The following ZNF431 variants were observed in gnomAD, a reference collection of about 807,000 sequenced individuals.
ZNF431 encodes the protein zinc finger protein 431.
Under a neutral mutation model 57.0 loss-of-function variants are expected in ZNF431, and 34 were observed. That is an observed-to-expected ratio of 0.60 (90% CI 0.45 to 0.79). ZNF431 has a LOEUF of 0.79. ZNF431 is among the 30% of genes least tolerant of loss of function. ZNF431 has a pLI of 0.00. For missense variants in ZNF431, 607 were observed against 667.1 expected, an observed-to-expected ratio of 0.91 and a Z score of 0.99; for synonymous variants, 207 against 220.3, an observed-to-expected ratio of 0.94 and a Z score of 0.54.
At chr19:21,154,172 C>A (rs949553397) in intron 2 of ZNF431, among the ~76,000 whole-genome samples, 1 of 152,144 alleles carries the variant, frequency 6.6e-6, no homozygotes, top group South Asian at 2.1e-4. Flanking sequence ...ATCCCTCCCC[C>A]CTCCACCCCA....
chr19:21,178,430 A>G (rs548774921), intron 4 of ZNF431, among the ~76,000 whole-genome samples: 2 of 152,134 alleles, frequency 1.3e-5, no homozygotes, highest in African/African-American at 4.8e-5. Context: ...GCCCTTTTAT[A>G]TCGGCTATGG....
At position 21,171,885 on chromosome 19, in the gene ZNF431, T is replaced by C. The variant is rs1442252467; in HGVS notation, c.319+4219T>C. 4.6e-5 allele frequency among the ~76,000 whole-genome samples: 7 copies of C among 151,012 alleles called. No individual in the cohort carries two copies. In the South Asian group the frequency reaches 1.5e-3, roughly 31 times the overall value. On this transcript the variant is annotated intron_variant, in intron 4 of 4. Transcript: ENST00000311048. The stretch of plus-strand genomic sequence containing the variant: ...ACAGGCATCTGCCACCATGCCCGGC[T>C]AATTTTTTGTATTTTTAGTAGAGAT...
chr19:21,143,413 A>T, intron 1 of ZNF431, 138 bp from the exon 2 acceptor site: 1 of 656,342 alleles, frequency 1.5e-6, no homozygotes, highest in Non-Finnish European at 2.7e-6. Flanking sequence ...TTATGGGGTG[A>T]TGTGTCCTCA....
At chr19:21,154,002 C>T (rs994701587) in intron 2 of ZNF431, among the ~76,000 whole-genome samples, 12 of 152,080 alleles carry the variant, frequency 7.9e-5, no homozygotes, top group South Asian at 2.1e-4. Flanking sequence ...AGGCATGAGC[C>T]GCCGCACCCA....
chr19:21,151,619 A>G (rs1970276018), intron 2 of ZNF431, among the ~76,000 whole-genome samples: 2 of 152,124 alleles, frequency 1.3e-5, no homozygotes, highest in Admixed American at 6.5e-5. Flanking sequence ...ACCAAGAGAA[A>G]ATACTGTCAT....
Position 21,189,111 on chromosome 19 carries a change from A to G in ZNF431, c.*5077A>G, listed in dbSNP as rs1056046676. On this transcript the variant is annotated 3_prime_UTR_variant, in exon 5 of 5. Coordinates refer to ENST00000311048, the MANE Select transcript of ZNF431 (RefSeq NM_133473.4). ...TTATAAATATTTTAATGTGACAGGT[A>G]GAATCTGTACTTTTTCTGTAGAACG... 2.0e-4 allele frequency: 30 copies of G among 152,208 alleles called. No individual in the cohort carries two copies. The highest frequency in any genetic ancestry group is 5.5e-4 in the African/African-American group (23 of 41,448). The allele number at this position is 152,208 out of a possible 1,614,324, so 9.4% of individuals were successfully genotyped here.
At chr19:21,142,655 G>C (rs1422870550) in intron 1 of ZNF431, among the ~76,000 whole-genome samples, 1 of 152,216 alleles carries the variant, frequency 6.6e-6, no homozygotes, top group African/African-American at 2.4e-5. Flanking sequence ...GGAGCACCCA[G>C]CTGTGGTTTG....
Position 21,176,707 on chromosome 19 carries a change from A to T in ZNF431, c.320-5916A>T, listed in dbSNP as rs551493790. ...ATAATTTATTTTATTTTATTTATTT[A>T]TTTTTTTTCAGACAGAGTCCTGCTC... On this transcript the variant is annotated intron_variant, in intron 4 of 4. Coordinates refer to ENST00000311048, the MANE Select transcript of ZNF431 (RefSeq NM_133473.4). Among the ~76,000 whole-genome samples, 251 of 151,136 alleles carry T rather than the reference A, an allele frequency of 1.7e-3. 1 individual carries two copies. Among genetic ancestry groups the T allele is most frequent in the Non-Finnish European group, 2.9e-3 (195 of 67,750 alleles).
At chr19:21,151,047 G>GCTTTTTTTTT (rs1970257780) in intron 2 of ZNF431, 1 of 151,882 alleles carries the variant, frequency 6.6e-6, no homozygotes, top group Non-Finnish European at 1.5e-5. Context: ...TAACCACAGT[G>GCTTTTTTTTT]CTTTTTTTTT....
At chr19:21,169,571 C>T (rs557879665) in intron 4 of ZNF431, among the ~76,000 whole-genome samples, 2 of 152,250 alleles carry the variant, frequency 1.3e-5, no homozygotes, top group Admixed American at 6.5e-5. Context: ...TGGGTCTGCA[C>T]TAGAGTCCAC....
At chr19:21,147,884 G>A (rs745876530) in intron 2 of ZNF431, among the ~76,000 whole-genome samples, 21 of 152,184 alleles carry the variant, frequency 1.4e-4, no homozygotes, top group South Asian at 4.1e-4. Context: ...AGTCAAACAT[G>A]ATTTCACAGT....
intron 2 of ZNF431, among the ~76,000 whole-genome samples, chr19:21,163,339 G>T (rs188588195): frequency 1.3e-5 from 2 of 152,342 alleles, no homozygotes; most frequent in Admixed American, 6.5e-5. Context: ...AAATATTTGT[G>T]TTGTGACAAC....
rs538882461 is a variant in ZNF431 at position 21,186,844 on chromosome 19, C to T, written c.*2810C>T. On this transcript the variant is annotated 3_prime_UTR_variant, in exon 5 of 5. Transcript: ENST00000311048. Reference sequence around the variant, plus strand: ...TAAGTTACATTTTATTTAGTTAGAGCACTCCATTTTGTTCTTTTAAGAGGA... The same window carrying T: ...TAAGTTACATTTTATTTAGTTAGAGTACTCCATTTTGTTCTTTTAAGAGGA... 1.3e-5 allele frequency: 2 copies of T among 152,112 alleles called. No homozygotes were observed. Among genetic ancestry groups the T allele is most frequent in the Non-Finnish European group, 2.9e-5 (2 of 68,016 alleles). The allele number at this position is 152,112 out of a possible 1,614,324, so 9.4% of individuals were successfully genotyped here. A position where few individuals can be genotyped will look rare whatever the true frequency, so the allele number is the denominator to read the frequency against.
At position 21,194,708 on chromosome 19, in the gene ZNF431, G is replaced by T. The variant is rs1213565938; in HGVS notation, c.*10674G>T. 5 of 152,062 alleles carry T rather than the reference G, an allele frequency of 3.3e-5. No individual in the cohort carries two copies. The highest frequency in any genetic ancestry group is 1.3e-4 in the Admixed American group (2 of 15,254). The allele number at this position is 152,062 out of a possible 1,614,324, so 9.4% of individuals were successfully genotyped here. On this transcript the variant is annotated 3_prime_UTR_variant, in exon 5 of 5. Transcript: ENST00000311048. ...GGTCTCAAACTCCCGGCGTCCCAAA[G>T]TGCTGGGATTACAGGTGCGACCCAC...
chr19:21,145,039 A>G (rs1321534898), intron 2 of ZNF431, among the ~76,000 whole-genome samples: 1 of 5,502 alleles, frequency 1.8e-4, no homozygotes, highest in Admixed American at 7.7e-4. Flanking sequence ...TTATTTAGGT[A>G]CAAAATGTAA....
At chr19:21,171,545 G>A (rs2145011011) in intron 4 of ZNF431, among the ~76,000 whole-genome samples, 1 of 151,586 alleles carries the variant, frequency 6.6e-6, no homozygotes, top group East Asian at 1.9e-4. Context: ...ATGTGTGTGT[G>A]TTTATCTATA....
chr19:21,184,216 GGCAC>G lies in ZNF431; in HGVS notation c.*184_*187del. 1 of 529,828 alleles carries G rather than the reference GGCAC, an allele frequency of 1.9e-6. No individual in the cohort carries two copies. Among genetic ancestry groups the G allele is most frequent in the Non-Finnish European group, 3.3e-6 (1 of 307,610 alleles). 32.8% of individuals were successfully genotyped at this position (529,828 alleles called of 1,614,324 possible). On this transcript the variant is annotated 3_prime_UTR_variant, in exon 5 of 5. Coordinates refer to ENST00000311048, the MANE Select transcript of ZNF431 (RefSeq NM_133473.4). ...AATACAAAAATTATCTGGGTGTGGT[GGCAC>G]GTGCCTGTATTCCCATCTACTCGGG...
intron 4 of ZNF431, among the ~76,000 whole-genome samples, chr19:21,176,850 C>A (rs1272385302): frequency 6.6e-6 from 1 of 152,066 alleles, no homozygotes; most frequent in Non-Finnish European, 1.5e-5. Flanking sequence ...GCGCCTGCCA[C>A]CATGCCCGGC....
intron 4 of ZNF431, among the ~76,000 whole-genome samples, chr19:21,169,103 C>A (rs535266263): frequency 3.3e-5 from 5 of 151,540 alleles, no homozygotes; most frequent in African/African-American, 7.3e-5. Context: ...TTTAGTAAGA[C>A]GGAATTTCAC....
Sources: allele counts gnomAD v4.1 joint callset (sites outside exome capture counted in the v4.1 genomes callset), GRCh38; gene constraint gnomAD v4.1.1; transcripts MANE v1.5; gene names NCBI Gene and HGNC (gene_info 2026-07-23, HGNC 2026-07-21).